The following ETFBKMT variants were observed in gnomAD, a reference collection of about 807,000 sequenced individuals.
ETFBKMT encodes electron transfer flavoprotein beta subunit lysine methyltransferase.
Under a neutral mutation model 18.3 loss-of-function variants are expected in ETFBKMT, and 13 were observed. That is an observed-to-expected ratio of 0.71 (90% CI 0.46 to 1.13). The LOEUF (loss-of-function observed/expected upper bound fraction) is 1.13. Ranked by LOEUF, ETFBKMT falls within the 50% of genes most tolerant of loss-of-function variation. ETFBKMT has a pLI of 0.00. For synonymous variants in ETFBKMT, 84 were observed against 107.9 expected, an observed-to-expected ratio of 0.78 and a Z score of 1.37; for missense variants, 293 against 306.2, an observed-to-expected ratio of 0.96 and a Z score of 0.32.
chr12:31,657,559 C>T (rs1387903375), upstream of ETFBKMT, among the ~76,000 whole-genome samples: 4 of 152,038 alleles, frequency 2.6e-5, no homozygotes, highest in African/African-American at 7.2e-5. Context: ...TTTGGGAGGC[C>T]GAGGTGGGCG....
intron 3 of ETFBKMT, among the ~76,000 whole-genome samples, chr12:31,666,851 G>A (rs1279378445): frequency 2.0e-5 from 3 of 151,308 alleles, no homozygotes; most frequent in Non-Finnish European, 4.4e-5. Flanking sequence ...TAGAGATGGG[G>A]TTTCACCGTG....
At chr12:31,650,377 C>T (rs888936803) in intron 1 of ETFBKMT, among the ~76,000 whole-genome samples, 1 of 152,092 alleles carries the variant, frequency 6.6e-6, no homozygotes, top group Non-Finnish European at 1.5e-5. Flanking sequence ...ATAAATAATC[C>T]ACCCGTTGTT....
chr12:31,662,154 C>T lies in ETFBKMT; in HGVS notation c.201C>T (p.Ile67=), dbSNP rs554999013. ...GCAGTGGTAGCCTCACCCCTGAAAT[C>T]CAGTTGCGGCTTTTGACCCCCAGAT... ...VTSSGSLTPE[I]QLRLLTPRCK... is the part of the protein sequence containing the mutation. Residue 67 remains isoleucine (I), a synonymous_variant, in exon 2 of 4, where the codon ATC becomes ATT. Coordinates refer to ENST00000357721, the MANE Select transcript of ETFBKMT (RefSeq NM_001135863.2). 2 of 1,614,240 alleles carry T rather than the reference C, an allele frequency of 1.2e-6. No individual in the cohort carries two copies. Among genetic ancestry groups the T allele is most frequent in the East Asian group, 2.2e-5 (1 of 44,882 alleles).
Position 31,668,120 on chromosome 12 carries a change from A to G in ETFBKMT, c.*130A>G. 2.6e-6 allele frequency: 2 copies of G among 778,218 alleles called. No homozygotes were observed. Among genetic ancestry groups the G allele is most frequent in the African/African-American group, 1.8e-5 (1 of 57,136 alleles). The allele number at this position is 778,218 out of a possible 1,614,324, so 48.2% of individuals were successfully genotyped here. On this transcript the variant is annotated 3_prime_UTR_variant, in exon 4 of 4. Transcript: ENST00000357721. ...AAATGGAAAATCTTGTTTTTAAAAT[A>G]TGAAGGTTTAGAGTTTTGTTTACTT...
At chr12:31,661,671 C>G (rs1951125780) in intron 1 of ETFBKMT, among the ~76,000 whole-genome samples, 170 bp from the exon 2 acceptor site, 1 of 152,024 alleles carries the variant, frequency 6.6e-6, no homozygotes, top group Non-Finnish European at 1.5e-5. Flanking sequence ...ATGATGGCCA[C>G]ACTGGTCTTG....
At position 31,672,197 on chromosome 12, in the gene ETFBKMT, A is replaced by T; in HGVS notation, c.*4207A>T. On this transcript the variant is annotated 3_prime_UTR_variant, in exon 4 of 4. Coordinates refer to ENST00000357721, the MANE Select transcript of ETFBKMT (RefSeq NM_001135863.2). ...GAGTTATAACTTAAGACAATAAAAT[A>T]ATTAAAAATAGTGTTAACATTAAGT... 1 of 749,136 alleles carries T rather than the reference A, an allele frequency of 1.3e-6. No individual in the cohort carries two copies. Among genetic ancestry groups the T allele is most frequent in the Non-Finnish European group, 2.3e-6 (1 of 442,542 alleles). The allele number at this position is 749,136 out of a possible 1,614,324, so 46.4% of individuals were successfully genotyped here. A position where few individuals can be genotyped will look rare whatever the true frequency, so the allele number is the denominator to read the frequency against.
intron 2 of ETFBKMT, among the ~76,000 whole-genome samples, chr12:31,665,672 CAT>C (rs529592517): frequency 1.9e-4 from 29 of 152,272 alleles, no homozygotes; most frequent in Non-Finnish European, 2.8e-4. Flanking sequence ...GATTTACCCA[CAT>C]GTTTATTAAC....
chr12:31,667,345 G>T (rs1225267488), intron 3 of ETFBKMT, among the ~76,000 whole-genome samples: 9 of 152,112 alleles, frequency 5.9e-5, no homozygotes, highest in Non-Finnish European at 1.5e-5. Context: ...CCCAAGTCTC[G>T]TTTCCCTGTC....
upstream of ETFBKMT, among the ~76,000 whole-genome samples, chr12:31,656,189 A>G (rs1951060572): frequency 6.6e-6 from 1 of 152,110 alleles, no homozygotes. Flanking sequence ...ATAGGAAGCT[A>G]AGAAAATAGG....
rs1027942417 is a variant in ETFBKMT at position 31,671,794 on chromosome 12, A to C, written c.*3804A>C. The C allele has an allele frequency of 6.6e-6, 1 of 152,556 alleles. No homozygotes were observed. Among genetic ancestry groups the C allele is most frequent in the Non-Finnish European group, 1.5e-5 (1 of 68,296 alleles). The allele number at this position is 152,556 out of a possible 1,614,324, so 9.5% of individuals were successfully genotyped here. A position where few individuals can be genotyped will look rare whatever the true frequency, so the allele number is the denominator to read the frequency against. ...TGAAACAAATACCTAAATTCTTTGAAGAATTAACAGGCTTGATGTTCAGGT... is the reference window on the plus strand; with the variant it reads ...TGAAACAAATACCTAAATTCTTTGACGAATTAACAGGCTTGATGTTCAGGT... On this transcript the variant is annotated 3_prime_UTR_variant, in exon 4 of 4. Transcript: ENST00000357721.
intron 1 of ETFBKMT, chr12:31,660,815 C>T (rs1264482745): frequency 2.0e-5 from 3 of 152,118 alleles, no homozygotes; most frequent in Non-Finnish European, 2.9e-5. Flanking sequence ...AATTCATTAA[C>T]CCCCAGAACT....
Position 31,668,088 on chromosome 12 carries a change from T to C in ETFBKMT, c.*98T>C, listed in dbSNP as rs1320873361. 3 of 944,448 alleles carry C rather than the reference T, an allele frequency of 3.2e-6. No individual in the cohort carries two copies. The highest frequency in any genetic ancestry group is 3.1e-5 in the Admixed American group (1 of 32,390). 58.5% of individuals were successfully genotyped at this position (944,448 alleles called of 1,614,324 possible). On this transcript the variant is annotated 3_prime_UTR_variant, in exon 4 of 4. Coordinates refer to ENST00000357721, the MANE Select transcript of ETFBKMT (RefSeq NM_001135863.2). The stretch of plus-strand genomic sequence containing the variant: ...TACTCTCCAGTTTAATGAATGTAAT[T>C]CTTGTTAAATGGAAAATCTTGTTTT...
At chr12:31,662,395 G>A in intron 2 of ETFBKMT, 128 bp downstream of exon 2, 1 of 808,428 alleles carries the variant, frequency 1.2e-6, no homozygotes, top group Non-Finnish European at 1.9e-6. Flanking sequence ...TACTTTGGGA[G>A]GCTGAGGCTG....
rs1388620169 is a variant in ETFBKMT, at chr12:31,667,942, G to GGAAAACAGT, written c.743_751dup (p.Glu248_Ser250dup). 6.2e-7 allele frequency: 1 copy of GGAAAACAGT among 1,614,014 alleles called. No homozygotes were observed. Among genetic ancestry groups the GGAAAACAGT allele is most frequent in the Non-Finnish European group, 8.5e-7 (1 of 1,180,016 alleles). ...ATTCACTTTTGGAGTCTACTAGGCA[G>GGAAAACAGT]GAAAACAGTGGACTGACAACAAGCA... is the stretch of plus-strand genomic sequence containing the variant. On this transcript the variant is annotated inframe_insertion, in exon 4 of 4. Transcript: ENST00000357721.
chr12:31,664,993 A>G (rs1405379697), intron 2 of ETFBKMT, among the ~76,000 whole-genome samples: 6 of 147,492 alleles, frequency 4.1e-5, no homozygotes, highest in Non-Finnish European at 6.0e-5. Flanking sequence ...CTGGAGTGCA[A>G]TGGCTTGATC....
chr12:31,672,047 TTCATGCTAGGATTA>T lies in ETFBKMT; in HGVS notation c.*4062_*4075del. On this transcript the variant is annotated 3_prime_UTR_variant, in exon 4 of 4. Transcript: ENST00000357721. ...CAGAATCCAACACCATAGATCAGAG[TTCATGCTAGGATTA>T]TCATTTCAAAAATAATGACTCATCC... The T allele has an allele frequency of 2.8e-6, 1 of 356,990 alleles. No homozygotes were observed. Among genetic ancestry groups the T allele is most frequent in the South Asian group, 5.2e-5 (1 of 19,404 alleles). The allele number at this position is 356,990 out of a possible 1,614,324, so 22.1% of individuals were successfully genotyped here.
rs1199824936 is a variant in ETFBKMT, at chr12:31,652,568, A to G, written c.-114+5313A>G. 5.3e-5 allele frequency among the ~76,000 whole-genome samples: 8 copies of G among 152,136 alleles called. No homozygotes were observed. The South Asian group carries it at 1.7e-3, about 32-fold the overall frequency. ...TCATGTGCAAGTAAAAATTAGTAACACTTGTATGCTTTTCTGTTAATCTGG... is the reference window on the plus strand; with the variant it reads ...TCATGTGCAAGTAAAAATTAGTAACGCTTGTATGCTTTTCTGTTAATCTGG... On this transcript the variant is annotated intron_variant, in intron 1 of 3. Transcript: ENST00000412352.
At chr12:31,662,321 C>G in intron 2 of ETFBKMT, 54 bp downstream of exon 2, 1 of 1,534,376 alleles carries the variant, frequency 6.5e-7, no homozygotes, top group Non-Finnish European at 8.9e-7. Context: ...GTTTTCAGTT[C>G]CCTCCAACCT....
upstream of ETFBKMT, among the ~76,000 whole-genome samples, chr12:31,657,298 G>A (rs73303820): frequency 0.022 from 3,333 of 152,266 alleles, 124 homozygotes; most frequent in African/African-American, 0.076. Context: ...TCACAAGTCT[G>A]CTTGGATGTA....
Sources: gnomAD v4.1 joint callset for allele counts (sites outside exome capture counted in the v4.1 genomes callset) on GRCh38, gnomAD v4.1.1 for gene constraint, MANE v1.5 for transcripts, NCBI Gene and HGNC (gene_info 2026-07-23, HGNC 2026-07-21) for gene names.